CCDC7: variants seen among roughly 807,000 people sequenced by gnomAD.
CCDC7 encodes coiled-coil domain-containing protein 7.
Under a neutral mutation model 196.9 loss-of-function variants are expected in CCDC7, and 183 were observed. The ratio of observed to expected loss-of-function variants is 0.93; its 90% CI spans 0.82 to 1.05. The LOEUF (loss-of-function observed/expected upper bound fraction) is 1.05, where lower values mean the gene tolerates loss of function less well. Ranked by LOEUF, CCDC7 falls within the 50% of genes least tolerant of loss-of-function variation. The probability of loss-of-function intolerance (pLI) is 0.00; values close to 1 mark genes in which losing one functional copy is unlikely to be tolerated. For missense variants in CCDC7, 1,540 were observed against 1,482.2 expected, an observed-to-expected ratio of 1.04 and a Z score of -0.64; for synonymous variants, 525 against 484.6, an observed-to-expected ratio of 1.08 and a Z score of -1.10.
At chr10:32,544,195 A>G in intron 12 of CCDC7, 52 bp from the exon 14 acceptor site, 1 of 1,476,258 alleles carries the variant, frequency 6.8e-7, no homozygotes, top group Non-Finnish European at 9.3e-7. Flanking sequence ...AAAGCAAAGC[A>G]GTGATGCATT....
At chr10:32,517,256 CTA>C (rs2135499170) in intron 9 of CCDC7, among the ~76,000 whole-genome samples, 1 of 152,044 alleles carries the variant, frequency 6.6e-6, no homozygotes, top group East Asian at 1.9e-4. Flanking sequence ...TGGGAAAGAT[CTA>C]TGTTTATGGA....
chr10:32,759,373 A>G (rs1469628571), intron 28 of CCDC7, among the ~76,000 whole-genome samples: 1 of 152,240 alleles, frequency 6.6e-6, no homozygotes, highest in Non-Finnish European at 1.5e-5. Flanking sequence ...CCAAAAGAGC[A>G]TGGTACTGGT....
chr10:32,524,095 G>A (rs2048308437), intron 11 of CCDC7, among the ~76,000 whole-genome samples: 1 of 141,778 alleles, frequency 7.1e-6, no homozygotes, highest in Admixed American at 7.0e-5. Context: ...TAGTGAAGGT[G>A]ACTTTGTCTG....
intron 13 of CCDC7, among the ~76,000 whole-genome samples, chr10:32,561,715 A>G (rs2055681104): frequency 6.6e-6 from 1 of 152,264 alleles, no homozygotes; most frequent in South Asian, 2.1e-4. Flanking sequence ...TCTAAAATGG[A>G]CACCCTAACA....
chr10:32,856,561 C>T (rs984100220), intron 41 of CCDC7, among the ~76,000 whole-genome samples: 2 of 152,106 alleles, frequency 1.3e-5, no homozygotes, highest in African/African-American at 4.8e-5. Flanking sequence ...CTGCTGCACA[C>T]CCCCCAGGGC....
At chr10:32,623,006 A>C (rs2063576741) in intron 18 of CCDC7, among the ~76,000 whole-genome samples, 1 of 152,162 alleles carries the variant, frequency 6.6e-6, no homozygotes, top group Non-Finnish European at 1.5e-5. Flanking sequence ...ACAATTCGCA[A>C]ACTCTCTTCT....
At chr10:32,554,711 G>T (rs2054073069) in intron 13 of CCDC7, among the ~76,000 whole-genome samples, 1 of 152,182 alleles carries the variant, frequency 6.6e-6, no homozygotes, top group Non-Finnish European at 1.5e-5. Flanking sequence ...CCTTCAGAGG[G>T]TCTGTGGGTC....
intron 7 of CCDC7, 36 bp downstream of exon 8, chr10:32,472,578 T>G (rs774113344): frequency 5.6e-5 from 81 of 1,458,780 alleles, no homozygotes; most frequent in Non-Finnish European, 7.3e-5. Context: ...CCTTAAAAAT[T>G]TTATTAAAAA....
At chr10:32,553,940 G>C (rs138321019) in intron 13 of CCDC7, among the ~76,000 whole-genome samples, 5,139 of 152,266 alleles carry the variant, frequency 0.034, 134 homozygotes, top group Admixed American at 0.049. Flanking sequence ...AGGACCATAA[G>C]GTGGGGGCAG....
chr10:32,714,557 C>G (rs996864142), intron 25 of CCDC7, among the ~76,000 whole-genome samples: 1 of 152,132 alleles, frequency 6.6e-6, no homozygotes, highest in Non-Finnish European at 1.5e-5. Flanking sequence ...CAGAACCATT[C>G]GCTCCCCTGG....
At chr10:32,851,847 T>C in exon 40 of CCDC7, 2 of 1,612,688 alleles carry the variant, frequency 1.2e-6, no homozygotes, top group Non-Finnish European at 1.7e-6. Flanking sequence ...TGACTGCACC[T>C]TCAAAAGCAA....
intron 2 of CCDC7, among the ~76,000 whole-genome samples, chr10:32,455,912 T>TA (rs915134177): frequency 4.6e-5 from 7 of 152,156 alleles, no homozygotes; most frequent in African/African-American, 9.6e-5. Context: ...TTTTTTTTTT[T>TA]ATGGTAATGA....
At chr10:32,465,844 T>C (rs1324076767) in intron 5 of CCDC7, among the ~76,000 whole-genome samples, 1 of 152,196 alleles carries the variant, frequency 6.6e-6, no homozygotes, top group African/African-American at 2.4e-5. Context: ...TAAACTCATA[T>C]CTCTTCTAGT....
At chr10:32,755,968 T>G (rs1322980667) in intron 28 of CCDC7, among the ~76,000 whole-genome samples, 1 of 152,080 alleles carries the variant, frequency 6.6e-6, no homozygotes, top group Non-Finnish European at 1.5e-5. Flanking sequence ...ATGCACAAGC[T>G]TCAGTAGCCA....
chr10:32,760,979 A>T (rs1414840135), intron 28 of CCDC7, among the ~76,000 whole-genome samples: 1 of 151,984 alleles, frequency 6.6e-6, no homozygotes, highest in Non-Finnish European at 1.5e-5. Context: ...TCATGGTGAT[A>T]TTCAGTATAT....
chr10:32,755,406 T>C (rs551324406), intron 28 of CCDC7, among the ~76,000 whole-genome samples: 1 of 152,186 alleles, frequency 6.6e-6, no homozygotes, highest in South Asian at 2.1e-4. Flanking sequence ...CAGTTGCCCC[T>C]CTGAGATGAA....
At chr10:32,705,291 C>T (rs1489481569) in intron 24 of CCDC7, among the ~76,000 whole-genome samples, 3 of 152,032 alleles carry the variant, frequency 2.0e-5, no homozygotes, top group African/African-American at 4.8e-5. Context: ...CGCCACCAGG[C>T]CTGCCTTACA....
chr10:32,596,576 G>A (rs2060384142), intron 18 of CCDC7, among the ~76,000 whole-genome samples: 1 of 152,148 alleles, frequency 6.6e-6, no homozygotes, highest in Admixed American at 6.5e-5. Context: ...CTGTCATTAT[G>A]ATGTTAGCTG....
chr10:32,742,808 A>G (rs1190730425), intron 28 of CCDC7, among the ~76,000 whole-genome samples: 1 of 152,218 alleles, frequency 6.6e-6, no homozygotes, highest in African/African-American at 2.4e-5. Context: ...CTGTAAGATT[A>G]GGAGTCCACT....
Sources: allele counts gnomAD v4.1 joint callset (sites outside exome capture counted in the v4.1 genomes callset), GRCh38; gene constraint gnomAD v4.1.1; transcripts MANE v1.5; gene names NCBI Gene and HGNC (gene_info 2026-07-23, HGNC 2026-07-21).